REV3L: variants seen among roughly 807,000 people sequenced by gnomAD.
REV3L encodes the protein REV3 like, DNA directed polymerase zeta catalytic subunit, also known as DNA polymerase zeta catalytic subunit.
A neutral mutation model predicts 299.4 loss-of-function variants in REV3L; 69 were observed. The observed-to-expected ratio is 0.23, with a 90% confidence interval of 0.19 to 0.28. The LOEUF (loss-of-function observed/expected upper bound fraction) is 0.28, where lower values mean the gene tolerates loss of function less well. Among genes scored for constraint, REV3L ranks in the 10% least tolerant of loss-of-function variants. The pLI, the probability that REV3L is intolerant of heterozygous loss-of-function variation, is 1.00. For synonymous variants in REV3L, 1,238 were observed against 1,271.4 expected (o/e 0.97, Z 0.56); for missense variants, 3,128 against 3,693.8 (o/e 0.85, Z 3.97).
chr6:111,304,739 T>C (rs888677767), intron 31 of REV3L, among the ~76,000 whole-genome samples: 15 of 151,876 alleles, frequency 9.9e-5, no homozygotes, highest in Admixed American at 4.6e-4. Flanking sequence ...ATCTGACAGG[T>C]GGTTTTTCAA....
intron 30 of REV3L, chr6:111,309,061 A>G (rs772791527): frequency 6.6e-6 from 1 of 152,420 alleles, no homozygotes; most frequent in East Asian, 1.9e-4. Context: ...CTCTGGCCCC[A>G]TGGCAGTGTC....
intron 26 of REV3L, among the ~76,000 whole-genome samples, chr6:111,316,015 G>A (rs1011765321): frequency 3.3e-5 from 5 of 152,048 alleles, no homozygotes; most frequent in African/African-American, 1.2e-4. Flanking sequence ...CAAGGCGGTG[G>A]ATCATCTGAG....
At chr6:111,335,805 C>A (rs944442972) in intron 21 of REV3L, among the ~76,000 whole-genome samples, 195 bp from the exon 22 acceptor site, 1 of 151,932 alleles carries the variant, frequency 6.6e-6, no homozygotes, top group African/African-American at 2.4e-5. Context: ...GGCATGAAAA[C>A]CAGTAAAGAT....
chr6:111,376,468 T>A lies in REV3L; in HGVS notation c.1887A>T (p.Gly629=), dbSNP rs1302551637. 6.2e-7 allele frequency: 1 copy of A among 1,613,640 alleles called. No individual in the cohort carries two copies. The highest frequency in any genetic ancestry group is 8.5e-7 in the Non-Finnish European group (1 of 1,179,880). The part of the protein sequence containing the change: ...NESTYSMKYP[G]SLSSTVHSEN... ...CTGAATGAACAGTACTGCTTAAAGA[T>A]CCAGGGTATTTCATAGAATAAGTGC... The change falls in exon 13 of 32, where the codon GGA becomes GGT. Residue 629 remains glycine, a synonymous_variant. Transcript: ENST00000368802.
chr6:111,300,796 G>A (rs762017586), intron 31 of REV3L, among the ~76,000 whole-genome samples: 3 of 152,200 alleles, frequency 2.0e-5, no homozygotes, highest in Non-Finnish European at 2.9e-5. Context: ...AGCTGAGGAT[G>A]TATATCGCCT....
chr6:111,301,741 T>C (rs1234358350), intron 31 of REV3L, among the ~76,000 whole-genome samples: 1 of 152,128 alleles, frequency 6.6e-6, no homozygotes, highest in Admixed American at 6.5e-5. Flanking sequence ...AGGCAATTTT[T>C]AAAAAGAGAA....
At chr6:111,334,209 A>C (rs1178454292) in intron 22 of REV3L, among the ~76,000 whole-genome samples, 1 of 152,216 alleles carries the variant, frequency 6.6e-6, no homozygotes, top group African/African-American at 2.4e-5. Context: ...AACTGCTGGG[A>C]TTACAGGTGT....
upstream of REV3L, chr6:111,483,444 C>A (rs1313609125): frequency 2.4e-6 from 1 of 424,432 alleles, no homozygotes; most frequent in Non-Finnish European, 4.3e-6. Flanking sequence ...ACTCGGCTGG[C>A]GGGCACGGTC....
chr6:111,477,515 C>G (rs896258279), intron 1 of REV3L, among the ~76,000 whole-genome samples: 1 of 152,150 alleles, frequency 6.6e-6, no homozygotes, highest in South Asian at 2.1e-4. Flanking sequence ...ACATTCTCAG[C>G]AGGGGCAACG....
Position 111,376,453 on chromosome 6 carries a change from A to G in REV3L, c.1902T>C (p.Thr634=), listed in dbSNP as rs1013458188. ...SMKYPGSLSS[T]VHSENSHKEN... ...CTTTATGAGAATTTTCTGAATGAACAGTACTGCTTAAAGATCCAGGGTATT... is the reference window on the plus strand; with the variant it reads ...CTTTATGAGAATTTTCTGAATGAACGGTACTGCTTAAAGATCCAGGGTATT... Residue 634 remains threonine (T), a synonymous_variant, in exon 13 of 32, where the codon ACT becomes ACC. Transcript: ENST00000368802. 6.2e-7 allele frequency: 1 copy of G among 1,613,700 alleles called. No individual in the cohort carries two copies. Among genetic ancestry groups the G allele is most frequent in the African/African-American group, 1.3e-5 (1 of 74,918 alleles).
At chr6:111,345,208 T>C (rs1347192977) in intron 20 of REV3L, among the ~76,000 whole-genome samples, 1 of 152,048 alleles carries the variant, frequency 6.6e-6, no homozygotes, top group African/African-American at 2.4e-5. Context: ...AATATGGAAA[T>C]GTCTCAGCAT....
At chr6:111,351,887 A>C in intron 18 of REV3L, 96 bp from the exon 19 acceptor site, 1 of 777,662 alleles carries the variant, frequency 1.3e-6, no homozygotes, top group Non-Finnish European at 2.1e-6. Context: ...TGAAAACAAA[A>C]ACCTATGTTC....
rs1781652303 is a variant in REV3L at position 111,389,220 on chromosome 6, CAAT to C, written c.758-13_758-11del. 2 of 1,595,800 alleles carry C rather than the reference CAAT, an allele frequency of 1.3e-6. No homozygotes were observed. Among genetic ancestry groups the C allele is most frequent in the South Asian group, 1.1e-5 (1 of 90,318 alleles). On this transcript the variant is annotated splice_polypyrimidine_tract_variant and intron_variant, in intron 6 of 31. Coordinates refer to ENST00000368802, the MANE Select transcript of REV3L (RefSeq NM_001372078.1). Reference sequence around the variant, plus strand: ...TTTCCACCAATTTGAGCTGTAATCACAATAATACTTCAATACTACAGGGTCAAA... The same window carrying C: ...TTTCCACCAATTTGAGCTGTAATCACAATACTTCAATACTACAGGGTCAAA...
At chr6:111,462,475 G>A (rs1310487556) in intron 1 of REV3L, among the ~76,000 whole-genome samples, 1 of 152,046 alleles carries the variant, frequency 6.6e-6, no homozygotes, top group Admixed American at 6.6e-5. Context: ...GATAGAACTG[G>A]AAAGAGAAAT....
chr6:111,336,548 T>C (rs773174099), intron 21 of REV3L, among the ~76,000 whole-genome samples: 17 of 152,108 alleles, frequency 1.1e-4, no homozygotes, highest in African/African-American at 1.7e-4. Flanking sequence ...AGTAGAGACA[T>C]TGGAATCCTC....
chr6:111,467,762 G>C (rs956345730), intron 1 of REV3L, among the ~76,000 whole-genome samples: 1 of 152,158 alleles, frequency 6.6e-6, no homozygotes, highest in African/African-American at 2.4e-5. Context: ...TTATATAAGT[G>C]ATTTGAGCAT....
chr6:111,420,933 G>A (rs1451408276), intron 1 of REV3L, among the ~76,000 whole-genome samples: 1 of 152,114 alleles, frequency 6.6e-6, no homozygotes, highest in Non-Finnish European at 1.5e-5. Flanking sequence ...GAGGTCAGGA[G>A]ATCAAGACCA....
At chr6:111,311,350 G>A (rs925680274) in intron 28 of REV3L, 91 bp from the exon 29 acceptor site, 34 of 893,322 alleles carry the variant, frequency 3.8e-5, no homozygotes, top group East Asian at 2.5e-5. Flanking sequence ...TAACTACTGG[G>A]TAACCTGCTA....
intron 1 of REV3L, among the ~76,000 whole-genome samples, chr6:111,442,126 T>G (rs1473072250): frequency 6.6e-6 from 1 of 152,210 alleles, no homozygotes; most frequent in Non-Finnish European, 1.5e-5. Context: ...TATTCTGAAA[T>G]TATTAGGTAG....
Sources: allele counts gnomAD v4.1 joint callset (sites outside exome capture counted in the v4.1 genomes callset), GRCh38; gene constraint gnomAD v4.1.1; transcripts MANE v1.5; gene names NCBI Gene and HGNC (gene_info 2026-07-23, HGNC 2026-07-21).